The following BRAF variants were observed in gnomAD, a reference collection of about 807,000 sequenced individuals.
BRAF encodes the protein B-Raf proto-oncogene, serine/threonine kinase.
BRAF carries 16 observed loss-of-function variants against 104.6 expected under a neutral mutation model. The observed-to-expected ratio is 0.15, with a 90% confidence interval of 0.10 to 0.23. The LOEUF is 0.23. Among genes scored for constraint, BRAF ranks in the 10% least tolerant of loss-of-function variants. The probability of loss-of-function intolerance (pLI) is 1.00; values close to 1 mark genes in which losing one functional copy is unlikely to be tolerated. For synonymous variants in BRAF, 310 were observed against 341.6 expected (o/e 0.91, Z 1.02); for missense variants, 541 against 937.3 (o/e 0.58, Z 5.52).
chr7:140,903,648 T>C (rs896594979), intron 1 of BRAF, among the ~76,000 whole-genome samples: 1 of 152,254 alleles, frequency 6.6e-6, no homozygotes, highest in Non-Finnish European at 1.5e-5. Flanking sequence ...GCCATAGATA[T>C]CGTTATTACT....
chr7:140,917,782 G>C (rs1482267844), intron 1 of BRAF, among the ~76,000 whole-genome samples: 1 of 152,052 alleles, frequency 6.6e-6, no homozygotes, highest in East Asian at 1.9e-4. Context: ...CACAAGCTAA[G>C]AATACTTTTT....
At chr7:140,908,345 A>AT (rs796228328) in intron 1 of BRAF, among the ~76,000 whole-genome samples, 4 of 152,134 alleles carry the variant, frequency 2.6e-5, no homozygotes, top group African/African-American at 4.8e-5. Context: ...TTGCTTGCTA[A>AT]TTTTTTTATT....
chr7:140,769,215 T>G (rs756043234), intron 14 of BRAF, among the ~76,000 whole-genome samples: 5 of 152,080 alleles, frequency 3.3e-5, no homozygotes, highest in African/African-American at 4.8e-5. Context: ...TAATTGGGAT[T>G]ACAGGCACCG....
At chr7:140,913,469 CTTT>C (rs369746551) in intron 1 of BRAF, among the ~76,000 whole-genome samples, 53 of 56,994 alleles carry the variant, frequency 9.3e-4, no homozygotes, top group African/African-American at 3.9e-3. Context: ...TTAATCACAG[CTTT>C]TTTTTTTTTT....
intron 1 of BRAF, among the ~76,000 whole-genome samples, chr7:140,898,277 A>G (rs922565222): frequency 3.9e-5 from 6 of 152,202 alleles, no homozygotes; most frequent in African/African-American, 1.4e-4. Context: ...AAGACTATCC[A>G]TAGCCTAGGC....
intron 8 of BRAF, among the ~76,000 whole-genome samples, chr7:140,792,713 G>A (rs764661993): frequency 2.0e-5 from 3 of 152,190 alleles, no homozygotes; most frequent in Admixed American, 6.5e-5. Flanking sequence ...CTATTAGACT[G>A]TGACTTCCTT....
rs1796790940 is a variant in BRAF at position 140,740,151 on chromosome 7, C to T, written c.2113-205G>A. On this transcript the variant is annotated intron_variant, in intron 17 of 19. Transcript: ENST00000644969. ...GAGTGCAAGCTCAAATCTTCATGAT[C>T]CTTGGACTGTGGCAAAGGTTCTCTA... 3 of 564,360 alleles carry T rather than the reference C, an allele frequency of 5.3e-6. No homozygotes were observed. The South Asian group carries it at 6.2e-5, about 12-fold the overall frequency. The allele number at this position is 564,360 out of a possible 1,614,324, so 35.0% of individuals were successfully genotyped here. A position where few individuals can be genotyped will look rare whatever the true frequency, so the allele number is the denominator to read the frequency against.
intron 7 of BRAF, among the ~76,000 whole-genome samples, chr7:140,796,721 C>A (rs1456074425): frequency 6.6e-6 from 1 of 152,136 alleles, no homozygotes; most frequent in Non-Finnish European, 1.5e-5. Context: ...GCTTTCAGGG[C>A]AAGTACAAGG....
rs12670647 is a variant in BRAF, at chr7:140,754,605, A to T, written c.1815-372T>A. 2.0e-5 allele frequency among the ~76,000 whole-genome samples: 3 copies of T among 152,284 alleles called. No individual in the cohort carries two copies. The East Asian group carries it at 5.8e-4, about 29-fold the overall frequency. The stretch of plus-strand genomic sequence containing the variant: ...CCTCCTACACCCAACCCTCCAAGTT[A>T]GCTTTCGTTCTATTTTCCACCTATT... On this transcript the variant is annotated intron_variant, in intron 14 of 19. Coordinates refer to ENST00000644969, the MANE Select transcript of BRAF (RefSeq NM_001374258.1).
At chr7:140,739,460 TA>T (rs778387130) in intron 18 of BRAF, among the ~76,000 whole-genome samples, 27 of 149,646 alleles carry the variant, frequency 1.8e-4, no homozygotes, top group East Asian at 1.2e-3. Flanking sequence ...ATTAATATTT[TA>T]AAAAATAGTT....
chr7:140,912,315 C>T (rs955344393), intron 1 of BRAF, among the ~76,000 whole-genome samples: 2 of 152,228 alleles, frequency 1.3e-5, no homozygotes, highest in African/African-American at 2.4e-5. Flanking sequence ...TGCAACAGAA[C>T]GTGTACAGAC....
intron 2 of BRAF, 144 bp downstream of exon 2, chr7:140,849,967 A>G (rs1330355015): frequency 1.6e-6 from 1 of 631,978 alleles, no homozygotes; most frequent in Non-Finnish European, 2.8e-6. Context: ...ATTAAGAAGT[A>G]TAATACAGGC....
chr7:140,783,005 TATC>T lies in BRAF; in HGVS notation c.1434+13_1434+15del, dbSNP rs771893698. The stretch of plus-strand genomic sequence containing the variant: ...AAGAAAGAATTCAGAGAAAAAAAGA[TATC>T]ATATACTCTTACCATTCGATTCCTG... On this transcript the variant is annotated intron_variant, in intron 11 of 19. Transcript: ENST00000644969. 2 of 1,612,498 alleles carry T rather than the reference TATC, an allele frequency of 1.2e-6. No individual in the cohort carries two copies. Among genetic ancestry groups the T allele is most frequent in the Non-Finnish European group, 8.5e-7 (1 of 1,179,586 alleles).
At chr7:140,824,256 T>C (rs943991314) in intron 3 of BRAF, 7 of 152,244 alleles carry the variant, frequency 4.6e-5, no homozygotes, top group Non-Finnish European at 7.3e-5. Context: ...TATGTTTTCT[T>C]GTAGTAAAAG....
intron 1 of BRAF, among the ~76,000 whole-genome samples, chr7:140,908,460 C>T (rs1816582832): frequency 6.6e-6 from 1 of 152,054 alleles, no homozygotes; most frequent in African/African-American, 2.4e-5. Flanking sequence ...CGTGATTTGC[C>T]TTTCCATCTG....
intron 1 of BRAF, among the ~76,000 whole-genome samples, chr7:140,881,413 G>A (rs1295722734): frequency 1.2e-4 from 18 of 152,108 alleles, no homozygotes. Context: ...AGGCTGTTTT[G>A]CTTGCCTGCT....
chr7:140,783,044 A>T lies in BRAF; in HGVS notation c.1411T>A (p.Ser471Thr). ...GPQRERKSSS[S>T]SEDRNRMKTL... ...ACCATTCGATTCCTGTCTTCTGAGG[A>T]TGAAGATGACTTCCTTTCTCGCTGA... Residue 471 changes from serine to threonine, a missense_variant, in exon 11 of 20, where the codon TCC (serine) becomes ACC (threonine). Ser to Thr is a moderately conservative substitution (Grantham distance 58, BLOSUM62 1). Coordinates refer to ENST00000644969, the MANE Select transcript of BRAF (RefSeq NM_001374258.1). 6.2e-7 allele frequency: 1 copy of T among 1,613,962 alleles called. No individual in the cohort carries two copies. The highest frequency in any genetic ancestry group is 8.5e-7 in the Non-Finnish European group (1 of 1,179,932).
rs1436299746 is a variant in BRAF, at chr7:140,764,053, G to A, written c.1815-9820C>T. On this transcript the variant is annotated intron_variant, in intron 14 of 19. Transcript: ENST00000644969. ...CATTGATGCAAAAATCCTCAATAAA[G>A]TACTGGCAAACCGAATCCAGCAGCA... is the stretch of plus-strand genomic sequence containing the variant. Among the ~76,000 whole-genome samples, 7 of 152,224 alleles carry A rather than the reference G, an allele frequency of 4.6e-5. No individual in the cohort carries two copies. In the East Asian group the frequency reaches 9.6e-4, roughly 21 times the overall value.
intron 7 of BRAF, among the ~76,000 whole-genome samples, chr7:140,795,757 T>C (rs1802432315): frequency 6.6e-6 from 1 of 152,290 alleles, no homozygotes; most frequent in South Asian, 2.1e-4. Flanking sequence ...AGAATTGATA[T>C]GCAAATAATA....
Sources: gnomAD v4.1 joint callset for allele counts (sites outside exome capture counted in the v4.1 genomes callset) on GRCh38, gnomAD v4.1.1 for gene constraint, MANE v1.5 for transcripts, NCBI Gene and HGNC (gene_info 2026-07-23, HGNC 2026-07-21) for gene names.